PCSK5: variants seen among roughly 807,000 people sequenced by gnomAD.
The protein encoded by PCSK5 is proprotein convertase subtilisin/kexin type 5.
PCSK5 carries 129 observed loss-of-function variants against 233.2 expected under a neutral mutation model. The ratio of observed to expected loss-of-function variants is 0.55; its 90% CI spans 0.48 to 0.64. PCSK5 has a LOEUF of 0.64. Among genes scored for constraint, PCSK5 ranks in the 30% least tolerant of loss-of-function variants. The pLI is 0.00. For synonymous variants in PCSK5, 825 were observed against 879.2 expected, an observed-to-expected ratio of 0.94 and a Z score of 1.09; for missense variants, 2,076 against 2,430.1, an observed-to-expected ratio of 0.85 and a Z score of 3.06.
intron 12 of PCSK5, among the ~76,000 whole-genome samples, chr9:76,163,472 T>C (rs76028754): frequency 0.074 from 11,203 of 152,274 alleles, 600 homozygotes; most frequent in East Asian, 0.27. Flanking sequence ...CCGGCGTGCA[T>C]GCTCCCCTGG....
At chr9:76,048,618 T>C (rs1024023478) in intron 5 of PCSK5, among the ~76,000 whole-genome samples, 3 of 152,234 alleles carry the variant, frequency 2.0e-5, no homozygotes, top group Admixed American at 2.0e-4. Flanking sequence ...TTTAGCAAAG[T>C]CACTTAACCT....
intron 8 of PCSK5, among the ~76,000 whole-genome samples, chr9:76,104,896 A>G (rs1395325855): frequency 2.0e-5 from 3 of 152,204 alleles, no homozygotes; most frequent in Non-Finnish European, 2.9e-5. Flanking sequence ...GCAGATCTGG[A>G]CACCTGGAAA....
chr9:75,913,114 T>TA (rs1295930920), intron 1 of PCSK5, among the ~76,000 whole-genome samples: 1 of 152,210 alleles, frequency 6.6e-6, no homozygotes, highest in African/African-American at 2.4e-5. Context: ...GGTGGGTTCT[T>TA]AAATAAGCAG....
intron 3 of PCSK5, 53 bp downstream of exon 3, chr9:75,986,298 G>A (rs1048268767): frequency 2.9e-6 from 3 of 1,023,594 alleles, no homozygotes; most frequent in Admixed American, 1.7e-5. Context: ...GTTTTGTGTT[G>A]TATGCAGAGA....
At chr9:76,295,465 A>C in intron 26 of PCSK5, 54 bp downstream of exon 26, 1 of 1,559,670 alleles carries the variant, frequency 6.4e-7, no homozygotes, top group Non-Finnish European at 8.8e-7. Flanking sequence ...GGAGCTCCAC[A>C]CAGTCGGGGC....
chr9:75,906,626 A>G (rs1826276677), intron 1 of PCSK5, among the ~76,000 whole-genome samples: 1 of 152,178 alleles, frequency 6.6e-6, no homozygotes, highest in South Asian at 2.1e-4. Flanking sequence ...TGAGGAAGAG[A>G]AGGTCAGAAC....
At chr9:76,096,945 T>C (rs924304404) in intron 8 of PCSK5, among the ~76,000 whole-genome samples, 1 of 151,598 alleles carries the variant, frequency 6.6e-6, no homozygotes, top group African/African-American at 2.4e-5. Context: ...TTTATTTTTT[T>C]TTTTGAGACA....
chr9:75,932,119 T>A (rs899564203), intron 1 of PCSK5, among the ~76,000 whole-genome samples: 1 of 152,200 alleles, frequency 6.6e-6, no homozygotes, highest in African/African-American at 2.4e-5. Flanking sequence ...AAAAGGAGAT[T>A]TGGAGAGGCT....
chr9:75,997,409 A>G (rs1827065748), intron 3 of PCSK5, among the ~76,000 whole-genome samples: 1 of 152,378 alleles, frequency 6.6e-6, no homozygotes, highest in East Asian at 1.9e-4. Context: ...AGTATTAACC[A>G]TCTTCAAATA....
chr9:75,957,571 G>A (rs1385159216), intron 2 of PCSK5, among the ~76,000 whole-genome samples: 1 of 152,138 alleles, frequency 6.6e-6, no homozygotes, highest in Non-Finnish European at 1.5e-5. Context: ...ACCATCTGTG[G>A]AGGAGCACAA....
chr9:76,173,592 A>C (rs902371017), intron 13 of PCSK5, among the ~76,000 whole-genome samples: 11 of 148,428 alleles, frequency 7.4e-5, no homozygotes, highest in African/African-American at 2.7e-4. Context: ...ATAAGAACTA[A>C]ACTAAAGCAA....
intron 2 of PCSK5, among the ~76,000 whole-genome samples, chr9:75,945,451 C>T (rs1427180799): frequency 6.6e-6 from 1 of 152,154 alleles, no homozygotes; most frequent in Non-Finnish European, 1.5e-5. Flanking sequence ...TCTCCCCCTG[C>T]ACTGCCACCA....
intron 9 of PCSK5, among the ~76,000 whole-genome samples, chr9:76,122,135 A>C (rs1163123827): frequency 6.6e-6 from 1 of 151,682 alleles, no homozygotes; most frequent in Non-Finnish European, 1.5e-5. Context: ...GGTTTTTATG[A>C]CTGCCTTAAT....
At chr9:75,946,546 G>C (rs1334347336) in intron 2 of PCSK5, among the ~76,000 whole-genome samples, 1 of 151,894 alleles carries the variant, frequency 6.6e-6, no homozygotes, top group South Asian at 2.1e-4. Flanking sequence ...CTCTGTTTTA[G>C]TTTCTTTCCA....
intron 25 of PCSK5, 76 bp downstream of exon 25, chr9:76,292,351 G>C: frequency 2.1e-6 from 2 of 946,024 alleles, no homozygotes. Context: ...TCAATCCAGC[G>C]ATTAAAGCAA....
intron 24 of PCSK5, among the ~76,000 whole-genome samples, chr9:76,249,368 T>C (rs1288938464): frequency 1.3e-5 from 2 of 152,030 alleles, no homozygotes; most frequent in Non-Finnish European, 2.9e-5. Flanking sequence ...ATAAGACAAC[T>C]GGCCTGTACT....
In PCSK5 at chr9:76,321,425, C is replaced by T. The variant is rs1055876122; in HGVS notation, c.3888C>T (p.Gly1296=). 3.2e-6 allele frequency: 5 copies of T among 1,541,962 alleles called. No individual in the cohort carries two copies. The highest frequency in any genetic ancestry group is 2.2e-5 in the South Asian group (2 of 89,660). The part of the protein sequence containing the change: ...EGRCYSKCPE[G]SYAEDGICER... ...GCACTCTGTCTTCCTTCCACAGGGG[C>T]TCTTATGCAGAAGACGGCATATGTG... The change falls in exon 31 of 38, where the codon GGC becomes GGT. Residue 1296 remains glycine, a synonymous_variant. Coordinates refer to ENST00000674117, the MANE Select transcript of PCSK5 (RefSeq NM_001372043.1).
intron 2 of PCSK5, among the ~76,000 whole-genome samples, chr9:75,948,586 G>GTCTTT (rs1235611048): frequency 2.6e-5 from 4 of 152,052 alleles, no homozygotes; most frequent in Non-Finnish European, 5.9e-5. Context: ...TTGGTTCCAA[G>GTCTTT]TCTTTGCTAT....
At chr9:76,235,362 C>T (rs1826221101) in intron 22 of PCSK5, among the ~76,000 whole-genome samples, 1 of 152,168 alleles carries the variant, frequency 6.6e-6, no homozygotes, top group Non-Finnish European at 1.5e-5. Flanking sequence ...ATCACTTTTA[C>T]ATCTCCATAT....
Sources: gnomAD v4.1 joint callset for allele counts (sites outside exome capture counted in the v4.1 genomes callset) on GRCh38, gnomAD v4.1.1 for gene constraint, MANE v1.5 for transcripts, NCBI Gene and HGNC (gene_info 2026-07-23, HGNC 2026-07-21) for gene names.